The following CMSS1 variants were observed in gnomAD, a reference collection of about 807,000 sequenced individuals.
The protein encoded by CMSS1 is cms1 ribosomal small subunit homolog.
CMSS1 carries 33 observed loss-of-function variants against 43.5 expected under a neutral mutation model. That is an observed-to-expected ratio of 0.76 (90% CI 0.57 to 1.01). The LOEUF (loss-of-function observed/expected upper bound fraction) is 1.01. Among genes scored for constraint, CMSS1 ranks in the 50% least tolerant of loss-of-function variants. The pLI is 0.00. For missense variants in CMSS1, 313 were observed against 326.4 expected (o/e 0.96, Z 0.32); for synonymous variants, 115 against 117.2 (o/e 0.98, Z 0.12).
intron 1 of CMSS1, among the ~76,000 whole-genome samples, chr3:99,832,839 CAAAAAAAAAA>C (rs771543470): frequency 4.2e-5 from 2 of 47,494 alleles, no homozygotes; most frequent in Non-Finnish European, 8.3e-5. Flanking sequence ...GACTCTGTCT[CAAAAAAAAAA>C]AAAAAAAAGT....
At chr3:100,057,462 C>T (rs1324686995) in intron 1 of CMSS1, among the ~76,000 whole-genome samples, 2 of 152,212 alleles carry the variant, frequency 1.3e-5, no homozygotes, top group Admixed American at 6.5e-5. Flanking sequence ...AGAGTTGCTG[C>T]GGTTTCTCCA....
intron 1 of CMSS1, among the ~76,000 whole-genome samples, chr3:100,047,712 TCTAG>T (rs2065299834): frequency 6.6e-6 from 1 of 152,216 alleles, no homozygotes. Context: ...CCTGCCACTG[TCTAG>T]CTATAGCCTC....
intron 1 of CMSS1, among the ~76,000 whole-genome samples, chr3:99,841,937 A>T (rs1943151609): frequency 6.6e-6 from 1 of 152,188 alleles, no homozygotes; most frequent in South Asian, 2.1e-4. Context: ...TCCTTAAAGA[A>T]CTAAAAGTAG....
chr3:100,133,461 GT>G (rs148521170), intron 1 of CMSS1, among the ~76,000 whole-genome samples: 3 of 150,568 alleles, frequency 2.0e-5, no homozygotes, highest in Non-Finnish European at 4.4e-5. Context: ...AATTTTTTTG[GT>G]TTTTTTTTAC....
chr3:99,954,856 A>G (rs551502214), intron 1 of CMSS1, among the ~76,000 whole-genome samples: 1 of 152,208 alleles, frequency 6.6e-6, no homozygotes, highest in African/African-American at 2.4e-5. Flanking sequence ...GTCACAACAG[A>G]CTGTTAGGAT....
intron 1 of CMSS1, among the ~76,000 whole-genome samples, chr3:99,920,878 C>T (rs1022472070): frequency 1.3e-5 from 2 of 152,184 alleles, no homozygotes; most frequent in Non-Finnish European, 2.9e-5. Flanking sequence ...TCACGTAGTT[C>T]TTAATTTTTG....
chr3:99,825,568 C>T (rs771797390), intron 1 of CMSS1, among the ~76,000 whole-genome samples: 30 of 152,174 alleles, frequency 2.0e-4, no homozygotes, highest in Middle Eastern at 3.4e-3. Flanking sequence ...ACAACAATTA[C>T]GAACATTTAA....
chr3:99,922,728 A>G (rs1179992101), intron 1 of CMSS1, among the ~76,000 whole-genome samples: 1 of 152,206 alleles, frequency 6.6e-6, no homozygotes, highest in African/African-American at 2.4e-5. Flanking sequence ...TACTGTCTAC[A>G]GTGGTTCAGA....
chr3:100,017,657 G>A (rs1461199673), intron 1 of CMSS1, among the ~76,000 whole-genome samples: 1 of 152,168 alleles, frequency 6.6e-6, no homozygotes, highest in Non-Finnish European at 1.5e-5. Flanking sequence ...AGATGTGGTG[G>A]CATGCACCTG....
intron 1 of CMSS1, among the ~76,000 whole-genome samples, chr3:99,823,925 CTT>C (rs1288112808): frequency 2.6e-4 from 37 of 141,888 alleles, no homozygotes; most frequent in Admixed American, 3.5e-4. Context: ...TTCTTTCTTT[CTT>C]TTTTTTTTTT....
At chr3:100,094,441 G>T (rs923946479) in intron 1 of CMSS1, among the ~76,000 whole-genome samples, 1 of 152,042 alleles carries the variant, frequency 6.6e-6, no homozygotes, top group Non-Finnish European at 1.5e-5. Flanking sequence ...TTGATACAGT[G>T]TAACTTATCA....
intron 1 of CMSS1, among the ~76,000 whole-genome samples, chr3:99,872,269 CTGTG>C (rs55727823): frequency 0.11 from 11,898 of 110,636 alleles, 517 homozygotes; most frequent in Admixed American, 0.13. Context: ...TGTGCCAGGA[CTGTG>C]TGTGTGTGTG....
At chr3:100,090,259 A>G (rs1352303638) in intron 1 of CMSS1, among the ~76,000 whole-genome samples, 1 of 152,166 alleles carries the variant, frequency 6.6e-6, no homozygotes, top group Non-Finnish European at 1.5e-5. Flanking sequence ...TCAAGATTCA[A>G]ATTTAACTGT....
chr3:99,966,105 A>G (rs570166272), intron 1 of CMSS1, among the ~76,000 whole-genome samples: 3 of 152,348 alleles, frequency 2.0e-5, no homozygotes, highest in East Asian at 1.9e-4. Flanking sequence ...ATTTACAGGG[A>G]TATCTCTCTC....
rs187108599 is a variant in CMSS1 at position 100,160,899 on chromosome 3, T to C, written c.225+398T>C. The stretch of plus-strand genomic sequence containing the variant: ...TTCCGGATTTTAAGACCTTATACCT[T>C]AAAGTATGAATAAAAAGAAAATAAT... On this transcript the variant is annotated intron_variant, in intron 3 of 9. Coordinates refer to ENST00000421999, the MANE Select transcript of CMSS1 (RefSeq NM_032359.4). Among the ~76,000 whole-genome samples the C allele has an allele frequency of 3.0e-4, 46 of 152,304 alleles. No homozygotes were observed. The East Asian group carries it at 8.3e-3, about 27-fold the overall frequency.
chr3:99,882,959 T>C (rs1203620067), intron 1 of CMSS1, among the ~76,000 whole-genome samples: 4 of 152,244 alleles, frequency 2.6e-5, no homozygotes, highest in Non-Finnish European at 5.9e-5. Flanking sequence ...GAACTTTTAA[T>C]ATAAATTTCT....
At chr3:99,879,554 G>A (rs796538427) in intron 1 of CMSS1, among the ~76,000 whole-genome samples, 4 of 151,916 alleles carry the variant, frequency 2.6e-5, no homozygotes, top group African/African-American at 9.7e-5. Context: ...CTTTTGACTG[G>A]TCATGTCTTT....
chr3:100,137,615 TGCAGTGG>T (rs1361313076), intron 1 of CMSS1, among the ~76,000 whole-genome samples: 2 of 151,010 alleles, frequency 1.3e-5, no homozygotes, highest in Admixed American at 6.6e-5. Flanking sequence ...CAGGCTGGAG[TGCAGTGG>T]CGTGATCTCG....
chr3:100,107,491 C>T (rs2066414977), intron 1 of CMSS1, among the ~76,000 whole-genome samples: 1 of 152,124 alleles, frequency 6.6e-6, no homozygotes, highest in Admixed American at 6.6e-5. Flanking sequence ...TCCTTCCGCA[C>T]ATTTGGCAGG....
Sources: gnomAD v4.1 joint callset for allele counts (sites outside exome capture counted in the v4.1 genomes callset) on GRCh38, gnomAD v4.1.1 for gene constraint, MANE v1.5 for transcripts, NCBI Gene and HGNC (gene_info 2026-07-23, HGNC 2026-07-21) for gene names.